The following YES1 variants were observed in gnomAD, a reference collection of about 807,000 sequenced individuals.
YES1 encodes YES proto-oncogene 1, Src family tyrosine kinase.
In YES1, 39 loss-of-function variants were observed where a neutral mutation model predicts 70.4. The ratio of observed to expected loss-of-function variants is 0.55; its 90% CI spans 0.43 to 0.72. YES1 has a LOEUF of 0.72. Ranked by LOEUF, YES1 falls within the 30% of genes least tolerant of loss-of-function variation. The pLI, the probability that YES1 is intolerant of heterozygous loss-of-function variation, is 0.00. For synonymous variants in YES1, 198 were observed against 218.6 expected (o/e 0.91, Z 0.83); for missense variants, 495 against 644.8 (o/e 0.77, Z 2.52).
chr18:812,468 C>G (rs528154381), upstream of YES1: 2 of 152,244 alleles, frequency 1.3e-5, no homozygotes, highest in South Asian at 2.1e-4. Context: ...CCTACGCCCC[C>G]GTCAGGTCCC....
Position 796,883 on chromosome 18 carries a change from A to G in YES1, c.-9+15231T>C, listed in dbSNP as rs12232748. On this transcript the variant is annotated intron_variant, in intron 1 of 11. Transcript: ENST00000314574. ...TTGAACCAGTGTGAAAATAGATTTA[A>G]TAACTAGCAGTAGTGAGGTATATCA... Among the ~76,000 whole-genome samples the G allele has an allele frequency of 2.5e-3, 382 of 152,352 alleles. 4 individuals are homozygous for G. In the East Asian group the frequency reaches 0.033, roughly 13 times the overall value.
intron 1 of YES1, among the ~76,000 whole-genome samples, chr18:809,260 A>AT (rs1037809547): frequency 2.6e-5 from 4 of 152,024 alleles, no homozygotes; most frequent in African/African-American, 9.7e-5. Flanking sequence ...TTATTTAGAA[A>AT]TTTTTTCCCA....
intron 1 of YES1, among the ~76,000 whole-genome samples, chr18:806,083 T>TGC: frequency 6.6e-6 from 1 of 152,342 alleles, no homozygotes; most frequent in Non-Finnish European, 1.5e-5. Flanking sequence ...TTCACACACA[T>TGC]TACTGCAAGA....
At chr18:725,937 A>G (rs988794892) in intron 11 of YES1, among the ~76,000 whole-genome samples, 1 of 152,150 alleles carries the variant, frequency 6.6e-6, no homozygotes, top group African/African-American at 2.4e-5. Context: ...AAATACAACT[A>G]GAAGTTGTTG....
In YES1 at chr18:751,988, T is replaced by C. The variant is rs553127063; in HGVS notation, c.272-184A>G. 2.6e-4 allele frequency among the ~76,000 whole-genome samples: 39 copies of C among 152,374 alleles called. 1 individual carries two copies. The South Asian group carries it at 3.1e-3, about 12-fold the overall frequency. ...AGTAGAGAGACATGACCATATTTTATGTTCTGGGACAATAACTCAATAACT... is the reference window on the plus strand; with the variant it reads ...AGTAGAGAGACATGACCATATTTTACGTTCTGGGACAATAACTCAATAACT... On this transcript the variant is annotated intron_variant, in intron 2 of 11. Coordinates refer to ENST00000314574, the MANE Select transcript of YES1 (RefSeq NM_005433.4).
intron 9 of YES1, chr18:738,690 C>CAAAAAAAAA (rs71174282): frequency 1.3e-5 from 1 of 75,624 alleles, no homozygotes; most frequent in East Asian, 4.0e-4. Flanking sequence ...ACTCCCATCT[C>CAAAAAAAAA]AAAAAAAAAA....
In YES1 at chr18:760,738, A is replaced by C. The variant is rs542503976; in HGVS notation, c.-8-3903T>G. On this transcript the variant is annotated intron_variant, in intron 1 of 11. Coordinates refer to ENST00000314574, the MANE Select transcript of YES1 (RefSeq NM_005433.4). ...AAAGTATTAGAAAAAATTAAAGGTA[A>C]GTAGTTTCATAATCTAAAGTTGGAA... Among the ~76,000 whole-genome samples the C allele has an allele frequency of 1.4e-3, 207 of 152,340 alleles. 1 individual carries two copies. The highest frequency in any genetic ancestry group is 1.0e-3 in the South Asian group (5 of 4,830).
rs764823798 is a variant in YES1, at chr18:724,583, C to T, written c.1473G>A (p.Met491Ile). The change falls in exon 12 of 12, where the codon ATG becomes ATA. Residue 491 changes from methionine to isoleucine, a missense_variant. Physicochemically the swap from Met to Ile is conservative, Grantham distance 10. Around this residue, in one of 2 missense-constraint regions of YES1, gnomAD observed 385 missense variants for 540.9 expected, o/e 0.71. Transcript: ENST00000314574. Reference protein sequence around the residue: ...VLEQVERGYRMPCPQGCPESL... With the variant: ...VLEQVERGYRIPCPQGCPESL... ...ATTCTGGACAGCCCTGAGGGCACGGCATCCTGTATCCTCGCTCCACTTGTT... is the reference window on the plus strand; with the variant it reads ...ATTCTGGACAGCCCTGAGGGCACGGTATCCTGTATCCTCGCTCCACTTGTT... The T allele has an allele frequency of 2.5e-6, 4 of 1,614,018 alleles. No homozygotes were observed. Among genetic ancestry groups the T allele is most frequent in the Non-Finnish European group, 3.4e-6 (4 of 1,180,024 alleles).
At chr18:781,256 T>G (rs1905647721) in intron 1 of YES1, among the ~76,000 whole-genome samples, 1 of 133,176 alleles carries the variant, frequency 7.5e-6, no homozygotes. Flanking sequence ...GGGACGAGAG[T>G]GAAACTCTGT....
chr18:810,671 C>A (rs1907328056), intron 1 of YES1, among the ~76,000 whole-genome samples: 1 of 152,104 alleles, frequency 6.6e-6, no homozygotes, highest in Admixed American at 6.6e-5. Context: ...GAATTGTCAA[C>A]CAGCATTTAA....
At chr18:777,650 T>C (rs1905448238) in intron 1 of YES1, among the ~76,000 whole-genome samples, 1 of 151,448 alleles carries the variant, frequency 6.6e-6, no homozygotes, top group African/African-American at 2.4e-5. Context: ...CTACTAAAAA[T>C]ACAAAAATCA....
At chr18:775,392 C>G (rs1014744696) in intron 1 of YES1, 1 of 152,320 alleles carries the variant, frequency 6.6e-6, no homozygotes, top group Non-Finnish European at 1.5e-5. Context: ...GACACCCTGT[C>G]AGCACCCAAG....
At position 739,830 on chromosome 18, in the gene YES1, T is replaced by C. The variant is rs2080196668; in HGVS notation, c.1061-19A>G. ...AAGCTTCCTGTAACAGACAGCAAGA[T>C]ATTCATAAAAAATAAGCAAATCTTA... is the stretch of plus-strand genomic sequence containing the variant. On this transcript the variant is annotated intron_variant, in intron 8 of 11. Transcript: ENST00000314574. 1 of 1,591,230 alleles carries C rather than the reference T, an allele frequency of 6.3e-7. No homozygotes were observed. The highest frequency in any genetic ancestry group is 1.7e-5 in the Admixed American group (1 of 57,382).
At chr18:762,709 A>G (rs184512260) in intron 1 of YES1, among the ~76,000 whole-genome samples, 1 of 152,312 alleles carries the variant, frequency 6.6e-6, no homozygotes, top group East Asian at 1.9e-4. Context: ...TCACCACTAC[A>G]TAATTCATCC....
intron 1 of YES1, among the ~76,000 whole-genome samples, chr18:787,025 T>C (rs887301943): frequency 2.0e-5 from 3 of 150,122 alleles, no homozygotes; most frequent in Non-Finnish European, 3.0e-5. Context: ...TATATGAATA[T>C]TGATAGAAAA....
chr18:783,698 C>G (rs1483613438), intron 1 of YES1, among the ~76,000 whole-genome samples: 1 of 151,586 alleles, frequency 6.6e-6, no homozygotes, highest in East Asian at 1.9e-4. Flanking sequence ...CTCAATGCAA[C>G]CTTGCATCCC....
At chr18:755,112 T>C (rs2080388504) in intron 2 of YES1, among the ~76,000 whole-genome samples, 1 of 152,242 alleles carries the variant, frequency 6.6e-6, no homozygotes, top group Non-Finnish European at 1.5e-5. Flanking sequence ...GCTAAAGACT[T>C]AGAAATGCCC....
chr18:735,162 A>C (rs1276647660), intron 10 of YES1, among the ~76,000 whole-genome samples: 2 of 45,508 alleles, frequency 4.4e-5, no homozygotes, highest in African/African-American at 2.5e-4. Flanking sequence ...GTCTCAAAGC[A>C]AAAAAAAAAA....
chr18:777,465 G>A (rs1018027946), intron 1 of YES1, among the ~76,000 whole-genome samples: 1 of 152,094 alleles, frequency 6.6e-6, no homozygotes, highest in Non-Finnish European at 1.5e-5. Flanking sequence ...AACTCCATAA[G>A]TCATATGAAA....
Sources: gnomAD v4.1 joint callset for allele counts (sites outside exome capture counted in the v4.1 genomes callset) on GRCh38, gnomAD v4.1.1 for gene constraint, gnomAD v4.1.1 regional missense constraint, MANE v1.5 for transcripts, NCBI Gene and HGNC (gene_info 2026-07-23, HGNC 2026-07-21) for gene names.